The following SLFN14 variants were observed in gnomAD, a reference collection of about 807,000 sequenced individuals.
SLFN14 encodes the protein schlafen family member 14.
In SLFN14, 47 loss-of-function variants were observed where a neutral mutation model predicts 58.6. The ratio of observed to expected loss-of-function variants is 0.80; its 90% CI spans 0.64 to 1.02. The LOEUF is 1.02. Among genes scored for constraint, SLFN14 ranks in the 50% least tolerant of loss-of-function variants. The pLI, the probability that SLFN14 is intolerant of heterozygous loss-of-function variation, is 0.00. For synonymous variants in SLFN14, 390 were observed against 387.3 expected, an observed-to-expected ratio of 1.01 and a Z score of -0.08; for missense variants, 967 against 1,078.4, an observed-to-expected ratio of 0.90 and a Z score of 1.45.
At position 35,557,961 on chromosome 17, in the gene SLFN14, G is replaced by T; in HGVS notation, c.102C>A (p.Asn34Lys). The T allele has an allele frequency of 6.4e-7, 1 of 1,551,642 alleles. No individual in the cohort carries two copies. Among genetic ancestry groups the T allele is most frequent in the South Asian group, 1.2e-5 (1 of 84,062 alleles). ...AATTCTCAGATCTTTTCAAACAGCT[G>T]TTGGTCATCTTCTTCCTGTTTTCTT... ...FGEENRKKMT[N>K]SCLKRSENSR... Residue 34 changes from asparagine (N) to lysine (K), a missense_variant, in exon 3 of 6, where the codon AAC (asparagine) becomes AAA (lysine). Transcript: ENST00000674182.
rs1247354847 is a variant in SLFN14, at chr17:35,545,876, G to A, written c.*2363C>T. 6.6e-6 allele frequency among the ~76,000 whole-genome samples: 1 copy of A among 152,036 alleles called. No homozygotes were observed. The highest frequency in any genetic ancestry group is 1.5e-5 in the Non-Finnish European group (1 of 68,026). On this transcript the variant is annotated 3_prime_UTR_variant, in exon 6 of 6. Coordinates refer to ENST00000674182, the MANE Select transcript of SLFN14 (RefSeq NM_001129820.2). ...ACTGAGGTTAATTAGTCTGGTGTCT[G>A]GCCTGATCACTGATTTTTTTTAAGT...
In SLFN14 at chr17:35,548,628, C is replaced by T. The variant is rs1194792609; in HGVS notation, c.2350G>A (p.Glu784Lys). Residue 784 changes from glutamate (E) to lysine (K), a missense_variant, in exon 6 of 6, where the codon GAG becomes AAG. By Grantham distance (56) the Glu-to-Lys change is moderately conservative (BLOSUM62 1). Coordinates refer to ENST00000674182, the MANE Select transcript of SLFN14 (RefSeq NM_001129820.2). ...TCTGTTGTCAGATTAGTCTTTGTCT[C>T]ACACACCCCAGGCAGAGCCTGGGCA... is the stretch of plus-strand genomic sequence containing the variant. ...TCAQALPGVCETKTNLTTEQI... is the reference protein window; with the variant it reads ...TCAQALPGVCKTKTNLTTEQI... 1 of 1,551,746 alleles carries T rather than the reference C, an allele frequency of 6.4e-7. No individual in the cohort carries two copies. Among genetic ancestry groups the T allele is most frequent in the Non-Finnish European group, 8.7e-7 (1 of 1,146,996 alleles).
Position 35,553,194 on chromosome 17 carries a change from T to A in SLFN14, c.1440A>T (p.Gly480=), listed in dbSNP as rs2072613480. Residue 480 remains glycine, a synonymous_variant, in exon 5 of 6, where the codon GGA becomes GGT. Transcript: ENST00000674182. ...CTGTGTTTCGGGCATATTCAAGTCCTCCAGGCCAATTGGGGTCTATTAAGA... is the reference window on the plus strand; with the variant it reads ...CTGTGTTTCGGGCATATTCAAGTCCACCAGGCCAATTGGGGTCTATTAAGA... ...YTILIDPNWP[G]GLEYARNTAH... 1 of 1,551,552 alleles carries A rather than the reference T, an allele frequency of 6.4e-7. No individual in the cohort carries two copies. The highest frequency in any genetic ancestry group is 1.4e-5 in the African/African-American group (1 of 73,018).
At chr17:35,560,534 G>GCCAGGCTGGTCTCGAACTGTTGA (rs1432778028) in intron 1 of SLFN14, among the ~76,000 whole-genome samples, 1 of 151,994 alleles carries the variant, frequency 6.6e-6, no homozygotes, top group African/African-American at 2.4e-5. Context: ...CACCATGTTG[G>GCCAGGCTGGTCTCGAACTGTTGA]CCAGGCTGGT....
chr17:35,548,302 G>A lies in SLFN14; in HGVS notation c.2676C>T (p.Leu892=). 6.4e-7 allele frequency: 1 copy of A among 1,551,720 alleles called. No individual in the cohort carries two copies. Among genetic ancestry groups the A allele is most frequent in the East Asian group, 2.4e-5 (1 of 40,926 alleles). The part of the protein sequence containing the change: ...ECDQSEEFHK[L]CFASRAIKHL... ...GTTTAATGGCTCTTGAAGCAAAGCA[G>A]AGCTTATGAAATTCCTCTGACTGGT... The change falls in exon 6 of 6, where the codon CTC becomes CTT. Residue 892 remains leucine, a synonymous_variant. Coordinates refer to ENST00000674182, the MANE Select transcript of SLFN14 (RefSeq NM_001129820.2).
intron 2 of SLFN14, 125 bp from the exon 3 acceptor site, chr17:35,558,231 ATATT>A: frequency 1.5e-6 from 1 of 685,252 alleles, no homozygotes; most frequent in South Asian, 2.2e-5. Flanking sequence ...CTCTATATGT[ATATT>A]TGTTGTTGTT....
chr17:35,549,930 T>C (rs1405915985), intron 5 of SLFN14, among the ~76,000 whole-genome samples: 1 of 152,178 alleles, frequency 6.6e-6, no homozygotes, highest in Non-Finnish European at 1.5e-5. Flanking sequence ...ATTTGTTGAG[T>C]TAGCCTTTTG....
chr17:35,545,826 G>A lies in SLFN14; in HGVS notation c.*2413C>T, dbSNP rs1033371510. 2.0e-5 allele frequency among the ~76,000 whole-genome samples: 3 copies of A among 152,022 alleles called. No homozygotes were observed. Among genetic ancestry groups the A allele is most frequent in the Non-Finnish European group, 4.4e-5 (3 of 68,002 alleles). Reference sequence around the variant, plus strand: ...GCCTGGACAACATTTAATAAATACCGATGCCCGAGCCTGTGTTCAGACACA... The same window carrying A: ...GCCTGGACAACATTTAATAAATACCAATGCCCGAGCCTGTGTTCAGACACA... On this transcript the variant is annotated 3_prime_UTR_variant, in exon 6 of 6. Coordinates refer to ENST00000674182, the MANE Select transcript of SLFN14 (RefSeq NM_001129820.2).
chr17:35,548,526 G>A lies in SLFN14; in HGVS notation c.2452C>T (p.Leu818=). ...CCTCTGTCCTCCCCTCTCCTGCACA[G>A]AATTGCTATATCTTTGGGCAGATAG... The part of the protein sequence containing the change: ...CGYLPKDIAI[L]CRRGEDRGRY... The change falls in exon 6 of 6, where the codon CTG becomes TTG. Residue 818 remains leucine, a synonymous_variant. Coordinates refer to ENST00000674182, the MANE Select transcript of SLFN14 (RefSeq NM_001129820.2). 6.4e-7 allele frequency: 1 copy of A among 1,551,742 alleles called. No individual in the cohort carries two copies. Among genetic ancestry groups the A allele is most frequent in the Non-Finnish European group, 8.7e-7 (1 of 1,146,992 alleles).
rs893476957 is a variant in SLFN14, at chr17:35,548,211, T to C, written c.*28A>G. Reference sequence around the variant, plus strand: ...CTAGGAGAAAGGACTCTGCTCTTCCTGTCTTCCTCTATTATTTGTAATAAT... The same window carrying C: ...CTAGGAGAAAGGACTCTGCTCTTCCCGTCTTCCTCTATTATTTGTAATAAT... On this transcript the variant is annotated 3_prime_UTR_variant, in exon 6 of 6. Coordinates refer to ENST00000674182, the MANE Select transcript of SLFN14 (RefSeq NM_001129820.2). 5 of 1,541,190 alleles carry C rather than the reference T, an allele frequency of 3.2e-6. No homozygotes were observed. The highest frequency in any genetic ancestry group is 1.4e-5 in the African/African-American group (1 of 72,582).
chr17:35,549,164 CT>C, intron 5 of SLFN14, 91 bp from the exon 6 acceptor site: 9 of 1,005,548 alleles, frequency 9.0e-6, no homozygotes, highest in Non-Finnish European at 1.2e-5. Context: ...GAGGCTGATT[CT>C]CATCTGCAGG....
chr17:35,554,862 C>T (rs2072636011), intron 3 of SLFN14, 158 bp from the exon 4 acceptor site: 3 of 479,150 alleles, frequency 6.3e-6, no homozygotes, highest in Non-Finnish European at 9.9e-6. Context: ...TCACGTATGT[C>T]AGGAAAGGAA....
intron 5 of SLFN14, among the ~76,000 whole-genome samples, 191 bp from the exon 6 acceptor site, chr17:35,549,264 C>T (rs1344416693): frequency 6.6e-6 from 1 of 152,182 alleles, no homozygotes. Context: ...TTACACCTTG[C>T]TCTTTGGGGT....
intron 5 of SLFN14, 130 bp downstream of exon 5, chr17:35,552,598 GAA>G (rs1491480894): frequency 3.1e-6 from 1 of 320,302 alleles, no homozygotes; most frequent in Admixed American, 5.6e-5. Flanking sequence ...ACTGCAAAAA[GAA>G]TATATATATA....
chr17:35,548,117 G>T lies in SLFN14; in HGVS notation c.*122C>A. On this transcript the variant is annotated 3_prime_UTR_variant, in exon 6 of 6. Transcript: ENST00000674182. ...CTCAGCTCCAAGAGACATTTCTGTG[G>T]CTCCAGGCCATACTGATGTGCCTTG... The T allele has an allele frequency of 1.1e-6, 1 of 940,466 alleles. No homozygotes were observed. The highest frequency in any genetic ancestry group is 1.5e-6 in the Non-Finnish European group (1 of 646,420). 58.3% of individuals were successfully genotyped at this position (940,466 alleles called of 1,614,324 possible).
In SLFN14 at chr17:35,544,889, T is replaced by G. The variant is rs1477195955; in HGVS notation, c.*3350A>C. 6.6e-6 allele frequency among the ~76,000 whole-genome samples: 1 copy of G among 152,188 alleles called. No homozygotes were observed. Among genetic ancestry groups the G allele is most frequent in the Non-Finnish European group, 1.5e-5 (1 of 68,036 alleles). Reference sequence around the variant, plus strand: ...CCGAAGCTTCCATGATAATATTATATTACCCTTCTTTTTAAAAGTAAGTTT... The same window carrying G: ...CCGAAGCTTCCATGATAATATTATAGTACCCTTCTTTTTAAAAGTAAGTTT... On this transcript the variant is annotated 3_prime_UTR_variant, in exon 6 of 6. Transcript: ENST00000674182.
rs1173462633 is a variant in SLFN14 at position 35,557,857 on chromosome 17, T to C, written c.206A>G (p.Tyr69Cys). The change falls in exon 3 of 6, where the codon TAT (tyrosine) becomes TGT (cysteine). Residue 69 changes from tyrosine to cysteine, a missense_variant. By Grantham distance (194) the Tyr-to-Cys change is radical (BLOSUM62 -2). Transcript: ENST00000674182. ...TCCCAGCCCATGGCATTGGTAACTATAGGTTTTATCATCAATCTCTGCTTT... is the reference window on the plus strand; with the variant it reads ...TCCCAGCCCATGGCATTGGTAACTACAGGTTTTATCATCAATCTCTGCTTT... Reference protein sequence around the residue: ...VIKAEIDDKTYSYQCHGLGQD... With the variant: ...VIKAEIDDKTCSYQCHGLGQD... 11 of 1,551,754 alleles carry C rather than the reference T, an allele frequency of 7.1e-6. No individual in the cohort carries two copies. Among genetic ancestry groups the C allele is most frequent in the Admixed American group, 3.9e-5 (2 of 51,006 alleles).
chr17:35,553,200 C>A lies in SLFN14; in HGVS notation c.1434G>T (p.Trp478Cys), dbSNP rs1260535082. Residue 478 changes from tryptophan to cysteine, a missense_variant, in exon 5 of 6, where the codon TGG becomes TGT. Transcript: ENST00000674182. The part of the protein sequence containing the change: ...VLYTILIDPN[W>C]PGGLEYARNT... ...TTCGGGCATATTCAAGTCCTCCAGGCCAATTGGGGTCTATTAAGATTGTAT... is the reference window on the plus strand; with the variant it reads ...TTCGGGCATATTCAAGTCCTCCAGGACAATTGGGGTCTATTAAGATTGTAT... 6.4e-7 allele frequency: 1 copy of A among 1,551,514 alleles called. No homozygotes were observed. Among genetic ancestry groups the A allele is most frequent in the African/African-American group, 1.4e-5 (1 of 72,994 alleles).
chr17:35,548,635 C>T lies in SLFN14; in HGVS notation c.2343G>A (p.Gly781=). The T allele has an allele frequency of 6.4e-7, 1 of 1,551,740 alleles. No homozygotes were observed. The highest frequency in any genetic ancestry group is 8.7e-7 in the Non-Finnish European group (1 of 1,146,998). The change falls in exon 6 of 6, where the codon GGG becomes GGA. Residue 781 remains glycine (G), a synonymous_variant. Transcript: ENST00000674182. ...TCAGATTAGTCTTTGTCTCACACAC[C>T]CCAGGCAGAGCCTGGGCACACGTTG... ...EEATCAQALP[G]VCETKTNLTT... is the part of the protein sequence containing the mutation.
Sources: allele counts gnomAD v4.1 joint callset (sites outside exome capture counted in the v4.1 genomes callset), GRCh38; gene constraint gnomAD v4.1.1; transcripts MANE v1.5; gene names NCBI Gene and HGNC (gene_info 2026-07-23, HGNC 2026-07-21).